The following PTPRD variants were observed in gnomAD, a reference collection of about 807,000 sequenced individuals.
The protein encoded by PTPRD is protein tyrosine phosphatase receptor type D, also known as receptor-type tyrosine-protein phosphatase delta.
A neutral mutation model predicts 214.5 loss-of-function variants in PTPRD; 34 were observed. The ratio of observed to expected loss-of-function variants is 0.16; its 90% confidence interval spans 0.12 to 0.21. PTPRD has a LOEUF of 0.21. Among genes scored for constraint, PTPRD ranks in the 10% least tolerant of loss-of-function variants. The probability of loss-of-function intolerance (pLI) is 1.00; values close to 1 mark genes in which losing one functional copy is unlikely to be tolerated. For missense variants in PTPRD, 2,545 were observed against 2,398.7 expected, an observed-to-expected ratio of 1.06 and a Z score of -1.27; for synonymous variants, 1,128 against 845.7, an observed-to-expected ratio of 1.33 and a Z score of -5.79.
Position 10,596,112 on chromosome 9 carries a change from G to A in PTPRD, c.-600+16286C>T, listed in dbSNP as rs536738362. ...ATTTATTCCTACAAAAACACATTAAGTTAGATAATAGGATGTCTGTTTCAC... is the reference window on the plus strand; with the variant it reads ...ATTTATTCCTACAAAAACACATTAAATTAGATAATAGGATGTCTGTTTCAC... On this transcript the variant is annotated intron_variant, in intron 2 of 45. Coordinates refer to ENST00000381196, the MANE Select transcript of PTPRD (RefSeq NM_002839.4). 5.3e-5 allele frequency among the ~76,000 whole-genome samples: 8 copies of A among 151,866 alleles called. No homozygotes were observed. The East Asian group carries it at 1.4e-3, about 26-fold the overall frequency.
intron 12 of PTPRD, among the ~76,000 whole-genome samples, chr9:8,679,960 A>G (rs2097519548): frequency 6.6e-6 from 1 of 152,228 alleles, no homozygotes; most frequent in Admixed American, 6.5e-5. Flanking sequence ...GAAAAGATCA[A>G]TTGGCCAGAA....
intron 11 of PTPRD, among the ~76,000 whole-genome samples, chr9:8,926,105 C>T (rs2098888927): frequency 6.6e-6 from 1 of 152,012 alleles, no homozygotes; most frequent in Non-Finnish European, 1.5e-5. Flanking sequence ...TCCCAAGCTT[C>T]TTGCAGGCCC....
chr9:8,642,810 T>A (rs2096606374), intron 12 of PTPRD, among the ~76,000 whole-genome samples: 1 of 152,190 alleles, frequency 6.6e-6, no homozygotes, highest in Non-Finnish European at 1.5e-5. Flanking sequence ...AGGTTTTTGT[T>A]ATAATTAGCT....
At chr9:8,821,447 G>A (rs954495430) in intron 11 of PTPRD, among the ~76,000 whole-genome samples, 6 of 152,142 alleles carry the variant, frequency 3.9e-5, no homozygotes, top group Non-Finnish European at 5.9e-5. Flanking sequence ...AACTTCTACT[G>A]CGGTTTGTTT....
Position 9,394,253 on chromosome 9 carries a change from AC to A in PTPRD, c.-203+3195del, listed in dbSNP as rs560997764. 2.4e-3 allele frequency among the ~76,000 whole-genome samples: 366 copies of A among 152,230 alleles called. 2 individuals carry two copies. The highest frequency in any genetic ancestry group is 8.5e-3 in the African/African-American group (353 of 41,546). On this transcript the variant is annotated intron_variant, in intron 9 of 45. Transcript: ENST00000381196. ...GTGTCTTCGTGTCATTAATGCTGAG[AC>A]CTTTTAAAAAATTCTGGTTGTTCTA...
At chr9:8,462,536 A>G (rs1198747165) in intron 32 of PTPRD, among the ~76,000 whole-genome samples, 1 of 152,128 alleles carries the variant, frequency 6.6e-6, no homozygotes, top group East Asian at 1.9e-4. Context: ...TTTACTTTAA[A>G]CTTGCTTACG....
intron 11 of PTPRD, among the ~76,000 whole-genome samples, chr9:8,972,529 G>A (rs1194940511): frequency 2.0e-5 from 3 of 151,824 alleles, no homozygotes; most frequent in East Asian, 1.9e-4. Flanking sequence ...AGGAGGGAAG[G>A]AAAGGAGATA....
chr9:9,878,714 C>T (rs1002462438), intron 5 of PTPRD, among the ~76,000 whole-genome samples: 8 of 152,150 alleles, frequency 5.3e-5, no homozygotes, highest in African/African-American at 1.7e-4. Context: ...CCAAATAGAG[C>T]ATAGGTGGAT....
At chr9:10,111,935 T>C (rs2098694784) in intron 3 of PTPRD, among the ~76,000 whole-genome samples, 1 of 152,214 alleles carries the variant, frequency 6.6e-6, no homozygotes. Flanking sequence ...TTTCTTTATT[T>C]CTATCAGTTT....
chr9:9,159,317 G>T (rs569808633), intron 10 of PTPRD, among the ~76,000 whole-genome samples: 1 of 152,116 alleles, frequency 6.6e-6, no homozygotes, highest in African/African-American at 2.4e-5. Flanking sequence ...ACTATCTGCT[G>T]AAGACTCCAC....
chr9:10,140,763 T>A (rs900008724), intron 3 of PTPRD, among the ~76,000 whole-genome samples: 6 of 151,822 alleles, frequency 4.0e-5, no homozygotes, highest in Admixed American at 6.6e-5. Context: ...GCCAGCATCA[T>A]CCTGATACCA....
intron 8 of PTPRD, among the ~76,000 whole-genome samples, chr9:9,569,028 G>C (rs1331565631): frequency 6.6e-6 from 1 of 151,746 alleles, no homozygotes; most frequent in Non-Finnish European, 1.5e-5. Context: ...AAAGTCAGTT[G>C]AGAAAATGCA....
chr9:8,424,225 C>G (rs889007565), intron 35 of PTPRD, among the ~76,000 whole-genome samples: 4 of 152,076 alleles, frequency 2.6e-5, no homozygotes, highest in African/African-American at 7.2e-5. Context: ...TATGTGATCA[C>G]CTTAACAGAT....
chr9:8,519,631 G>A (rs1224940061), intron 20 of PTPRD, among the ~76,000 whole-genome samples: 2 of 152,142 alleles, frequency 1.3e-5, no homozygotes, highest in African/African-American at 2.4e-5. Flanking sequence ...CTAGAATGCT[G>A]CCTGGCACTC....
At chr9:8,819,160 C>T (rs1390722689) in intron 11 of PTPRD, among the ~76,000 whole-genome samples, 1 of 152,066 alleles carries the variant, frequency 6.6e-6, no homozygotes, top group African/African-American at 2.4e-5. Flanking sequence ...AAATTAAACA[C>T]CAAGCACTTA....
At chr9:9,658,608 TTC>T (rs2096566036) in intron 7 of PTPRD, among the ~76,000 whole-genome samples, 1 of 152,156 alleles carries the variant, frequency 6.6e-6, no homozygotes, top group East Asian at 1.9e-4. Context: ...ACAGATCTGG[TTC>T]TTTTATTGGC....
intron 2 of PTPRD, among the ~76,000 whole-genome samples, chr9:10,483,611 G>T (rs956471994): frequency 1.3e-5 from 2 of 151,872 alleles, no homozygotes; most frequent in Non-Finnish European, 2.9e-5. Flanking sequence ...AGTGGGCAAA[G>T]AACATGAATA....
intron 8 of PTPRD, among the ~76,000 whole-genome samples, chr9:9,517,380 G>A (rs530518573): frequency 6.6e-6 from 1 of 152,060 alleles, no homozygotes; most frequent in Non-Finnish European, 1.5e-5. Context: ...TAAAGATGAG[G>A]TAATGTGACA....
chr9:9,356,672 A>G (rs986705531), intron 9 of PTPRD, among the ~76,000 whole-genome samples: 5 of 151,516 alleles, frequency 3.3e-5, no homozygotes, highest in Admixed American at 6.6e-5. Context: ...TGCATCTTGA[A>G]GAAACATAGT....
Sources: gnomAD v4.1 joint callset for allele counts (sites outside exome capture counted in the v4.1 genomes callset) on GRCh38, gnomAD v4.1.1 for gene constraint, MANE v1.5 for transcripts, NCBI Gene and HGNC (gene_info 2026-07-23, HGNC 2026-07-21) for gene names.